CENPI: variants seen among roughly 807,000 people sequenced by gnomAD.
The protein encoded by CENPI is FSH primary response 1.
A neutral mutation model predicts 60.4 loss-of-function variants in CENPI; 4 were observed. The ratio of observed to expected loss-of-function variants is 0.07; its 90% CI spans 0.03 to 0.15. The LOEUF is 0.15. Among genes scored for constraint, CENPI ranks in the 10% least tolerant of loss-of-function variants. The probability of loss-of-function intolerance (pLI) is 1.00; values close to 1 mark genes in which losing one functional copy is unlikely to be tolerated. For missense variants in CENPI, 444 were observed against 534.5 expected (o/e 0.83, Z 1.67); for synonymous variants, 157 against 189.4 (o/e 0.83, Z 1.40).
chrX:101,146,011 G>A, intron 17 of CENPI, 142 bp from the exon 18 acceptor site: 2 of 436,676 alleles, frequency 4.6e-6, no homozygotes, highest in Non-Finnish European at 3.7e-6. Flanking sequence ...AAGCCAGCTT[G>A]TAGATGTTTA....
In CENPI at chrX:101,162,951, G is replaced by A. The variant is rs746512556; in HGVS notation, c.2255G>A (p.Cys752Tyr). 8.1e-5 allele frequency: 98 copies of A among 1,206,887 alleles called. No individual in the cohort carries two copies. The Admixed American group carries it at 2.2e-3, about 27-fold the overall frequency. ...ATTCCCAGAGCAGAGGGCATAAACTGCAACAATCAATATTAAATGAATGTT... is the reference window on the plus strand; with the variant it reads ...ATTCCCAGAGCAGAGGGCATAAACTACAACAATCAATATTAAATGAATGTT... ...SSIPRAEGIN[C>Y]NNQY The change falls in exon 22 of 22, where the codon TGC becomes TAC. Residue 752 changes from cysteine (C) to tyrosine (Y), a missense_variant. Coordinates refer to ENST00000682095, the MANE Select transcript of CENPI (RefSeq NM_001386188.2).
chrX:101,103,783 A>C (rs1265594994), intron 4 of CENPI, among the ~76,000 whole-genome samples: 2 of 112,162 alleles, frequency 1.8e-5, no homozygotes, highest in Admixed American at 1.9e-4. Flanking sequence ...TTCTGTGTGC[A>C]TATGCCAAAA....
chrX:101,130,496 G>T (rs1253877129), intron 13 of CENPI, among the ~76,000 whole-genome samples: 1 of 111,721 alleles, frequency 9.0e-6, no homozygotes, highest in Non-Finnish European at 1.9e-5. Context: ...AATAATATTT[G>T]TTCAGTTTGA....
At chrX:101,132,823 T>G (rs904436527) in intron 15 of CENPI, among the ~76,000 whole-genome samples, 2 of 112,076 alleles carry the variant, frequency 1.8e-5, no homozygotes, top group African/African-American at 3.2e-5. Flanking sequence ...CTAAATACCC[T>G]TCTTGACACT....
Position 101,164,325 on chromosome X carries a change from GGTTTTT to G in CENPI, c.*1377_*1382del, listed in dbSNP as rs773339806. 2.6e-4 allele frequency among the ~76,000 whole-genome samples: 29 copies of G among 110,635 alleles called. No homozygotes were observed. The highest frequency in any genetic ancestry group is 4.9e-4 in the Non-Finnish European group (26 of 52,887). On this transcript the variant is annotated 3_prime_UTR_variant, in exon 22 of 22. Coordinates refer to ENST00000682095, the MANE Select transcript of CENPI (RefSeq NM_001386188.2). ...AGTTGTGACCAATACAAAGTACCCG[GGTTTTT>G]GTTTTTGTTTTTGTTTTTTGAGATG... is the stretch of plus-strand genomic sequence containing the variant.
chrX:101,162,473 A>AAATATATATATATATATATATATAT (rs1303045267), intron 21 of CENPI, among the ~76,000 whole-genome samples: 1 of 68,110 alleles, frequency 1.5e-5, no homozygotes, highest in African/African-American at 6.9e-5. Context: ...AAAAAAAAAA[A>AAATATATATATATATATATATATAT]ATATATATAT....
At chrX:101,157,390 G>A (rs997278735) in intron 20 of CENPI, among the ~76,000 whole-genome samples, 1 of 111,592 alleles carries the variant, frequency 9.0e-6, no homozygotes, top group African/African-American at 3.3e-5. Context: ...ATGCATGCCT[G>A]TAATCCCAGC....
At chrX:101,112,995 C>CT (rs1251059476) in intron 6 of CENPI, among the ~76,000 whole-genome samples, 1 of 108,450 alleles carries the variant, frequency 9.2e-6, no homozygotes, top group Non-Finnish European at 1.9e-5. Flanking sequence ...CTCTATCCTC[C>CT]TTTTTTTGGA....
In CENPI at chrX:101,165,641, A is replaced by G. The variant is rs1287619638; in HGVS notation, c.*2674A>G. ...GACTTTGGATGAGATCACCTAGTAC[A>G]GCTAGAGAAGAGAAGGTAGCAAAAG... is the stretch of plus-strand genomic sequence containing the variant. On this transcript the variant is annotated 3_prime_UTR_variant, in exon 22 of 22. Coordinates refer to ENST00000682095, the MANE Select transcript of CENPI (RefSeq NM_001386188.2). Among the ~76,000 whole-genome samples the G allele has an allele frequency of 9.0e-6, 1 of 111,538 alleles. No homozygotes were observed. Among genetic ancestry groups the G allele is most frequent in the Non-Finnish European group, 1.9e-5 (1 of 53,133 alleles).
At chrX:101,162,488 AT>A (rs1377187445) in intron 21 of CENPI, among the ~76,000 whole-genome samples, 6 of 101,974 alleles carry the variant, frequency 5.9e-5, no homozygotes, top group African/African-American at 2.2e-4. Context: ...ATATATATAT[AT>A]ATAATTATCT....
intron 20 of CENPI, among the ~76,000 whole-genome samples, chrX:101,156,750 GT>G (rs11454277): frequency 1.9e-5 from 2 of 104,040 alleles, no homozygotes; most frequent in Non-Finnish European, 2.0e-5. Context: ...AATATACGAT[GT>G]TTTTTTTTTC....
intron 6 of CENPI, among the ~76,000 whole-genome samples, chrX:101,110,379 C>G (rs2148147718): frequency 8.9e-6 from 1 of 112,165 alleles, no homozygotes; most frequent in East Asian, 2.8e-4. Context: ...GTCATTTACT[C>G]TACATTTTCT....
At chrX:101,130,307 A>G (rs1025317169) in intron 13 of CENPI, among the ~76,000 whole-genome samples, 33 of 111,026 alleles carry the variant, frequency 3.0e-4, no homozygotes, top group African/African-American at 1.0e-3. Context: ...GGTGGCATGC[A>G]TCTGTAGTCC....
Position 101,152,563 on chromosome X carries a change from C to T in CENPI, c.2094+4402C>T, listed in dbSNP as rs180704313. On this transcript the variant is annotated intron_variant, in intron 20 of 21. Transcript: ENST00000682095. ...TCCTGAGGCATGTGTCACCATGCCC[C>T]GCTAATTTTTTGTATTTTTAGTAGA... Among the ~76,000 whole-genome samples, 18 of 109,003 alleles carry T rather than the reference C, an allele frequency of 1.7e-4. No individual in the cohort carries two copies. The East Asian group carries it at 1.8e-3, about 11-fold the overall frequency. 94.7% of individuals were successfully genotyped at this position (109,003 alleles called of 115,157 possible). A position where few individuals can be genotyped will look rare whatever the true frequency, so the allele number is the denominator to read the frequency against.
At chrX:101,119,112 G>A (rs923242368) in intron 6 of CENPI, among the ~76,000 whole-genome samples, 3 of 111,431 alleles carry the variant, frequency 2.7e-5, no homozygotes, top group Non-Finnish European at 3.8e-5. Flanking sequence ...CCCGGGAGGC[G>A]GAGGTTGCAG....
intron 15 of CENPI, among the ~76,000 whole-genome samples, chrX:101,134,037 GTTGT>G (rs989157350): frequency 2.7e-5 from 3 of 111,913 alleles, no homozygotes; most frequent in Non-Finnish European, 3.8e-5. Flanking sequence ...ACCAGGGGAA[GTTGT>G]TTGTTTGTTT....
At chrX:101,109,087 T>G (rs1426716324) in intron 4 of CENPI, among the ~76,000 whole-genome samples, 2 of 95,834 alleles carry the variant, frequency 2.1e-5, no homozygotes, top group African/African-American at 3.8e-5. Context: ...TTTTTTTTTT[T>G]TTTTTTTTTT....
At chrX:101,141,817 C>T (rs778259062) in intron 16 of CENPI, among the ~76,000 whole-genome samples, 15 of 110,957 alleles carry the variant, frequency 1.4e-4, no homozygotes, top group Non-Finnish European at 2.3e-4. Flanking sequence ...ACTGCAGCCT[C>T]GACCTCCCAG....
chrX:101,170,564 A>G (rs57794096), downstream of CENPI, among the ~76,000 whole-genome samples: 26,480 of 111,447 alleles, frequency 0.24, 2,278 homozygotes, highest in South Asian at 0.34. Flanking sequence ...TATATCCTAT[A>G]TTCATAGATT....
Sources: gnomAD v4.1 joint callset for allele counts (sites outside exome capture counted in the v4.1 genomes callset) on GRCh38, gnomAD v4.1.1 for gene constraint, MANE v1.5 for transcripts, NCBI Gene and HGNC (gene_info 2026-07-23, HGNC 2026-07-21) for gene names.